The following CNTNAP2 variants were observed in gnomAD, a reference collection of about 807,000 sequenced individuals.
The protein encoded by CNTNAP2 is contactin-associated protein-like 2.
CNTNAP2 carries 98 observed loss-of-function variants against 155.2 expected under a neutral mutation model. The ratio of observed to expected loss-of-function variants is 0.63; its 90% confidence interval spans 0.54 to 0.75. CNTNAP2 has a LOEUF of 0.75. CNTNAP2 is among the 30% of genes least tolerant of loss of function. The probability of loss-of-function intolerance (pLI) is 0.00; values close to 1 mark genes in which losing one functional copy is unlikely to be tolerated. For missense variants in CNTNAP2, 1,727 were observed against 1,688.1 expected (o/e 1.02, Z -0.40); for synonymous variants, 651 against 631.2 (o/e 1.03, Z -0.47).
intron 13 of CNTNAP2, among the ~76,000 whole-genome samples, chr7:147,664,919 C>T (rs913966365): frequency 1.3e-4 from 20 of 152,188 alleles, no homozygotes; most frequent in East Asian, 1.2e-3. Context: ...CCATACAGTA[C>T]GTGCCAGGTG....
At chr7:147,328,077 G>A (rs982276542) in intron 9 of CNTNAP2, among the ~76,000 whole-genome samples, 5 of 152,090 alleles carry the variant, frequency 3.3e-5, no homozygotes, top group East Asian at 1.9e-4. Flanking sequence ...GGTAAGTTGG[G>A]ACAAAAATAA....
chr7:148,386,926 G>A (rs2116666865), intron 22 of CNTNAP2, among the ~76,000 whole-genome samples: 1 of 152,260 alleles, frequency 6.6e-6, no homozygotes, highest in African/African-American at 2.4e-5. Context: ...GGAACAGATG[G>A]ATTTCTAGAA....
At chr7:146,211,225 A>G (rs1799029714) in intron 1 of CNTNAP2, among the ~76,000 whole-genome samples, 1 of 152,196 alleles carries the variant, frequency 6.6e-6, no homozygotes, top group South Asian at 2.1e-4. Flanking sequence ...TACTGTGCAT[A>G]AAGTTGACCT....
In CNTNAP2 at chr7:147,062,127, C is replaced by CAAAAAAAAAAA. The variant is rs869125044; in HGVS notation, c.550+18106_550+18116dup. ...TGGGCGACAGAGCGAGACTCCGTCTCAAAAAAAAAAAAAAAAAAAAAAAAA... is the reference window on the plus strand; with the variant it reads ...TGGGCGACAGAGCGAGACTCCGTCTCAAAAAAAAAAAAAAAAAAAAAAAAAAAAAAAAAAAA... On this transcript the variant is annotated intron_variant, in intron 4 of 23. Coordinates refer to ENST00000361727, the MANE Select transcript of CNTNAP2 (RefSeq NM_014141.6). 6.7e-4 allele frequency among the ~76,000 whole-genome samples: 30 copies of CAAAAAAAAAAA among 44,940 alleles called. 1 individual carries two copies. The highest frequency in any genetic ancestry group is 1.4e-3 in the East Asian group (1 of 736). 29.5% of individuals were successfully genotyped at this position (44,940 alleles called of 152,430 possible).
intron 21 of CNTNAP2, among the ~76,000 whole-genome samples, chr7:148,375,031 C>T (rs963686630): frequency 6.6e-6 from 1 of 152,100 alleles, no homozygotes; most frequent in African/African-American, 2.4e-5. Flanking sequence ...GAATGGGGCA[C>T]CAGCACCTTC....
intron 8 of CNTNAP2, among the ~76,000 whole-genome samples, chr7:147,184,737 G>T (rs1284564023): frequency 2.0e-5 from 3 of 152,184 alleles, no homozygotes; most frequent in Non-Finnish European, 4.4e-5. Flanking sequence ...GGAGAAGAAA[G>T]AAGGGGATGG....
At chr7:147,512,778 A>G (rs769210470) in intron 11 of CNTNAP2, among the ~76,000 whole-genome samples, 7 of 152,186 alleles carry the variant, frequency 4.6e-5, no homozygotes, top group Non-Finnish European at 1.0e-4. Flanking sequence ...AGCAAATAAT[A>G]AGACAGAGTT....
chr7:147,056,661 A>G (rs1447759062), intron 4 of CNTNAP2, among the ~76,000 whole-genome samples: 1 of 152,198 alleles, frequency 6.6e-6, no homozygotes, highest in Admixed American at 6.5e-5. Context: ...AAGGTTAGTA[A>G]TTTTTGCAAC....
chr7:147,283,143 A>T (rs1200040116), intron 8 of CNTNAP2, among the ~76,000 whole-genome samples: 2 of 151,858 alleles, frequency 1.3e-5, no homozygotes, highest in African/African-American at 4.8e-5. Flanking sequence ...GAGTTTTTTG[A>T]CACATCTATA....
At chr7:148,101,753 T>C (rs1328514891) in intron 15 of CNTNAP2, among the ~76,000 whole-genome samples, 2 of 152,160 alleles carry the variant, frequency 1.3e-5, no homozygotes, top group Non-Finnish European at 2.9e-5. Context: ...TTGGAGAGAA[T>C]TGCTTTCAAA....
intron 9 of CNTNAP2, among the ~76,000 whole-genome samples, chr7:147,387,880 A>T (rs1438981081): frequency 6.6e-6 from 1 of 152,162 alleles, no homozygotes; most frequent in Non-Finnish European, 1.5e-5. Flanking sequence ...TCCAACTTTC[A>T]CCCACTTATT....
chr7:146,648,388 A>G (rs980999191), intron 1 of CNTNAP2, among the ~76,000 whole-genome samples: 1 of 152,184 alleles, frequency 6.6e-6, no homozygotes, highest in Admixed American at 6.6e-5. Flanking sequence ...CAGGAAAAAA[A>G]TAATAAAGCC....
intron 1 of CNTNAP2, among the ~76,000 whole-genome samples, chr7:146,530,380 T>C (rs1308296747): frequency 6.6e-6 from 1 of 152,014 alleles, no homozygotes; most frequent in African/African-American, 2.4e-5. Context: ...ATGGACAAAT[T>C]GGACCTAATT....
chr7:146,235,539 C>T (rs1049511480), intron 1 of CNTNAP2, among the ~76,000 whole-genome samples: 1 of 152,034 alleles, frequency 6.6e-6, no homozygotes, highest in Admixed American at 6.6e-5. Context: ...TAGCTTAATC[C>T]CACTGGGAAA....
At chr7:146,428,867 G>A (rs1032116078) in intron 1 of CNTNAP2, among the ~76,000 whole-genome samples, 4 of 151,986 alleles carry the variant, frequency 2.6e-5, no homozygotes, top group African/African-American at 9.7e-5. Context: ...TTTCTTCTAT[G>A]ACTGTTATAG....
At chr7:146,988,208 C>T (rs1798148693) in intron 3 of CNTNAP2, among the ~76,000 whole-genome samples, 1 of 152,010 alleles carries the variant, frequency 6.6e-6, no homozygotes, top group African/African-American at 2.4e-5. Flanking sequence ...TTCACGGTCA[C>T]ATAAAATGAA....
intron 17 of CNTNAP2, among the ~76,000 whole-genome samples, chr7:148,167,076 A>T (rs1805681590): frequency 6.6e-6 from 1 of 152,236 alleles, no homozygotes; most frequent in African/African-American, 2.4e-5. Context: ...TCCTTTATAG[A>T]GCGAGAAATG....
intron 8 of CNTNAP2, among the ~76,000 whole-genome samples, chr7:147,142,805 C>T (rs368359399): frequency 6.6e-6 from 1 of 152,108 alleles, no homozygotes; most frequent in Admixed American, 6.6e-5. Flanking sequence ...CAAGAACATG[C>T]ACAAACTATG....
At chr7:147,804,859 T>C (rs1798065261) in intron 13 of CNTNAP2, among the ~76,000 whole-genome samples, 1 of 152,082 alleles carries the variant, frequency 6.6e-6, no homozygotes, top group Admixed American at 6.5e-5. Context: ...CAGCCCTGCT[T>C]CAGTTTTTAA....
Sources: gnomAD v4.1 joint callset for allele counts (sites outside exome capture counted in the v4.1 genomes callset) on GRCh38, gnomAD v4.1.1 for gene constraint, MANE v1.5 for transcripts, NCBI Gene and HGNC (gene_info 2026-07-23, HGNC 2026-07-21) for gene names.